Variants in CBFA2T3 observed in about 807,000 individuals in gnomAD.
CBFA2T3 encodes the protein transcriptional corepressor CBFA2T3.
Under a neutral mutation model 58.6 loss-of-function variants are expected in CBFA2T3, and 31 were observed. The observed-to-expected ratio is 0.53, with a 90% confidence interval of 0.40 to 0.71. CBFA2T3 has a LOEUF of 0.71. Among genes scored for constraint, CBFA2T3 ranks in the 30% least tolerant of loss-of-function variants. CBFA2T3 has a pLI of 0.00. For synonymous variants in CBFA2T3, 531 were observed against 421.9 expected (o/e 1.26, Z -3.17); for missense variants, 1,076 against 963.1 (o/e 1.12, Z -1.55).
chr16:88,943,034 A>C (rs2142817111), intron 1 of CBFA2T3, among the ~76,000 whole-genome samples: 1 of 151,062 alleles, frequency 6.6e-6, no homozygotes, highest in East Asian at 1.9e-4. Context: ...ACTCTGAGGC[A>C]CAGTGGATTT....
Position 88,885,248 on chromosome 16 carries a change from G to T in CBFA2T3, c.915C>A (p.Asp305Glu). The T allele has an allele frequency of 1.3e-6, 2 of 1,566,154 alleles. No individual in the cohort carries two copies. The highest frequency in any genetic ancestry group is 8.7e-7 in the Non-Finnish European group (1 of 1,152,042). ...GGTGCTCGGGGTGCAGCGGGTCGCGGTCTGACCCGTTCTCTTTGGTCCTAG... is the reference window on the plus strand; with the variant it reads ...GGTGCTCGGGGTGCAGCGGGTCGCGTTCTGACCCGTTCTCTTTGGTCCTAG... ...TPDRTKENGS[D>E]RDPLHPEHLS... The change falls in exon 7 of 12, where the codon GAC becomes GAA. Residue 305 changes from aspartate to glutamate, a missense_variant. Coordinates refer to ENST00000268679, the MANE Select transcript of CBFA2T3 (RefSeq NM_005187.6). This position sits in a 1 kb window ranked among gnomAD's most constrained non-coding sequence, Gnocchi z 5.3.
At chr16:88,971,549 C>T (rs916469735) in intron 1 of CBFA2T3, among the ~76,000 whole-genome samples, 14 of 151,966 alleles carry the variant, frequency 9.2e-5, no homozygotes, top group African/African-American at 2.4e-4. Flanking sequence ...GGCAACTGCC[C>T]GACAGGCCTG....
chr16:88,905,117 G>A (rs1054789116), intron 1 of CBFA2T3, among the ~76,000 whole-genome samples: 1 of 152,086 alleles, frequency 6.6e-6, no homozygotes, highest in African/African-American at 2.4e-5. Flanking sequence ...CCTGTGGAGG[G>A]ACCTGGGAAG....
chr16:88,969,235 C>T (rs1972588647), intron 1 of CBFA2T3, among the ~76,000 whole-genome samples: 1 of 152,226 alleles, frequency 6.6e-6, no homozygotes, highest in Non-Finnish European at 1.5e-5. Context: ...CTCTGTCCCC[C>T]TCAGGTCTGT....
intron 3 of CBFA2T3, among the ~76,000 whole-genome samples, chr16:88,892,933 G>A (rs567958559): frequency 6.6e-6 from 1 of 152,282 alleles, no homozygotes; most frequent in Non-Finnish European, 1.5e-5. Context: ...GCAGGGGTGC[G>A]GCCCCTACGC....
intron 1 of CBFA2T3, among the ~76,000 whole-genome samples, chr16:88,908,577 G>A (rs149135711): frequency 1.9e-3 from 284 of 152,264 alleles, no homozygotes; most frequent in African/African-American, 6.4e-3. Flanking sequence ...CACCCAGCCC[G>A]CCCTGCCCAG....
chr16:88,939,075 G>A (rs990622873), intron 1 of CBFA2T3: 2 of 152,168 alleles, frequency 1.3e-5, no homozygotes, highest in Non-Finnish European at 2.9e-5. Context: ...CCTCGCGTAG[G>A]GAGAAAAATT....
intron 1 of CBFA2T3, among the ~76,000 whole-genome samples, chr16:88,966,868 C>G (rs1972518238): frequency 6.6e-6 from 1 of 152,202 alleles, no homozygotes; most frequent in African/African-American, 2.4e-5. Flanking sequence ...CTCATTTCCC[C>G]CAGGAAGCCG....
intron 1 of CBFA2T3, among the ~76,000 whole-genome samples, chr16:88,971,033 C>T (rs529146503): frequency 2.9e-4 from 44 of 151,576 alleles, no homozygotes; most frequent in African/African-American, 1.0e-3. Context: ...CGGAGGCCGA[C>T]GCGGTGGGGT....
chr16:88,916,833 G>A (rs900804154), intron 1 of CBFA2T3, among the ~76,000 whole-genome samples: 5 of 152,144 alleles, frequency 3.3e-5, no homozygotes, highest in Non-Finnish European at 5.9e-5. Context: ...CAGAGAGGAG[G>A]TCAGGCTGGC....
intron 1 of CBFA2T3, among the ~76,000 whole-genome samples, chr16:88,965,239 G>A (rs1397871485): frequency 6.6e-6 from 1 of 152,130 alleles, no homozygotes; most frequent in Non-Finnish European, 1.5e-5. Flanking sequence ...ATCAGTCTGG[G>A]CAGATTGTTT....
intron 1 of CBFA2T3, among the ~76,000 whole-genome samples, chr16:88,932,774 C>T (rs888912277): frequency 3.8e-5 from 5 of 129,992 alleles, no homozygotes; most frequent in Admixed American, 8.9e-5. Flanking sequence ...ATGGCAAACC[C>T]GTCTCTACTA....
At chr16:88,910,567 C>A (rs1021520822) in intron 1 of CBFA2T3, among the ~76,000 whole-genome samples, 2 of 152,226 alleles carry the variant, frequency 1.3e-5, no homozygotes, top group Non-Finnish European at 2.9e-5. Context: ...GGCGTGGGGA[C>A]AGGCAGTGCC....
At chr16:88,929,956 T>C (rs75175490) in intron 1 of CBFA2T3, among the ~76,000 whole-genome samples, 5,690 of 49,352 alleles carry the variant, frequency 0.12, no homozygotes, top group Middle Eastern at 0.21. Context: ...ATGGTCCACG[T>C]AAAAGCTACC....
At chr16:88,901,191 A>G (rs893758898) in intron 2 of CBFA2T3, among the ~76,000 whole-genome samples, 6 of 152,082 alleles carry the variant, frequency 3.9e-5, no homozygotes, top group Non-Finnish European at 2.9e-5. Flanking sequence ...GCCGGCTTTG[A>G]CCCATGGCCG....
Position 88,977,035 on chromosome 16 carries a change from G to A in CBFA2T3, c.-228C>T, listed in dbSNP as rs760182344. 41 of 476,416 alleles carry A rather than the reference G, an allele frequency of 8.6e-5. No homozygotes were observed. Among genetic ancestry groups the A allele is most frequent in the South Asian group, 1.5e-4 (4 of 26,356 alleles). 29.5% of individuals were successfully genotyped at this position (476,416 alleles called of 1,614,324 possible). A position where few individuals can be genotyped will look rare whatever the true frequency, so the allele number is the denominator to read the frequency against. On this transcript the variant is annotated 5_prime_UTR_variant, in exon 1 of 12. Transcript: ENST00000268679. ...CCCTGGGGCTCATGTGACGCGGGGCGGGCCTGGGGCTGCAGGCTGGGGAAG... is the reference window on the plus strand; with the variant it reads ...CCCTGGGGCTCATGTGACGCGGGGCAGGCCTGGGGCTGCAGGCTGGGGAAG...
At chr16:88,949,494 G>A (rs1279667031) in intron 1 of CBFA2T3, among the ~76,000 whole-genome samples, 1 of 151,662 alleles carries the variant, frequency 6.6e-6, no homozygotes, top group Non-Finnish European at 1.5e-5. Context: ...GGGAGGCGGA[G>A]GTTGCAGTGA....
chr16:88,876,981 G>C lies in CBFA2T3; in HGVS notation c.1957C>G (p.Arg653Gly), dbSNP rs1185598993. ...SPPGPLDTVPR is the reference protein window; with the variant it reads ...SPPGPLDTVPG ...CAGGCCAGGGGCCAGTGGGGTCAGCGGGGCACGGTGTCCAGTGGGCCAGGT... is the reference window on the plus strand; with the variant it reads ...CAGGCCAGGGGCCAGTGGGGTCAGCCGGGCACGGTGTCCAGTGGGCCAGGT... The change falls in exon 12 of 12, where the codon CGC becomes GGC. Residue 653 changes from arginine (R) to glycine (G), a missense_variant. Physicochemically the swap from Arg to Gly is moderately radical, Grantham distance 125. Transcript: ENST00000268679. 3 of 1,443,958 alleles carry C rather than the reference G, an allele frequency of 2.1e-6. No homozygotes were observed. Among genetic ancestry groups the C allele is most frequent in the Non-Finnish European group, 2.7e-6 (3 of 1,104,236 alleles). 89.4% of individuals were successfully genotyped at this position (1,443,958 alleles called of 1,614,324 possible).
At chr16:88,928,529 C>T (rs1371549798) in intron 1 of CBFA2T3, among the ~76,000 whole-genome samples, 2 of 152,254 alleles carry the variant, frequency 1.3e-5, no homozygotes, top group Admixed American at 6.5e-5. Context: ...AGCCCAGCCG[C>T]TGTGCAAACA....
Sources: gnomAD v4.1 joint callset for allele counts (sites outside exome capture counted in the v4.1 genomes callset) on GRCh38, gnomAD v4.1.1 for gene constraint, Gnocchi (gnomAD v3.1) non-coding constraint, MANE v1.5 for transcripts, NCBI Gene and HGNC (gene_info 2026-07-23, HGNC 2026-07-21) for gene names.